Variants in KALRN observed in about 807,000 individuals in gnomAD.
The protein encoded by KALRN is kalirin.
A neutral mutation model predicts 353.7 loss-of-function variants in KALRN; 70 were observed. That is an observed-to-expected ratio of 0.20 (90% CI 0.16 to 0.24). KALRN has a LOEUF of 0.24. Ranked by LOEUF, KALRN falls within the 10% of genes least tolerant of loss-of-function variation. KALRN has a pLI of 1.00. For missense variants in KALRN, 2,791 were observed against 3,756.7 expected, an observed-to-expected ratio of 0.74 and a Z score of 6.72; for synonymous variants, 1,391 against 1,434.8, an observed-to-expected ratio of 0.97 and a Z score of 0.69.
At chr3:124,190,551 A>T (rs2074788080) in intron 1 of KALRN, among the ~76,000 whole-genome samples, 1 of 152,200 alleles carries the variant, frequency 6.6e-6, no homozygotes, top group Non-Finnish European at 1.5e-5. Flanking sequence ...ATAATTTTGC[A>T]CCGCAAGAAT....
In KALRN at chr3:124,263,590, T is replaced by TA. The variant is rs375263556; in HGVS notation, c.264-895dup. 4.1e-3 allele frequency among the ~76,000 whole-genome samples: 589 copies of TA among 143,586 alleles called. 1 individual carries two copies. The highest frequency in any genetic ancestry group is 6.2e-3 in the Non-Finnish European group (403 of 65,248). The allele number at this position is 143,586 out of a possible 152,430, so 94.2% of individuals were successfully genotyped here. A position where few individuals can be genotyped will look rare whatever the true frequency, so the allele number is the denominator to read the frequency against. On this transcript the variant is annotated intron_variant, in intron 3 of 59. Transcript: ENST00000682506. ...TGCACATAGCGAGACCCTGACTCTTTAAAAAAAAAAAAAGTAAAAAGAAAT... is the reference window on the plus strand; with the variant it reads ...TGCACATAGCGAGACCCTGACTCTTTAAAAAAAAAAAAAAGTAAAAAGAAAT...
intron 1 of KALRN, among the ~76,000 whole-genome samples, chr3:124,081,087 G>C (rs181950104): frequency 1.4e-4 from 21 of 152,234 alleles, no homozygotes; most frequent in Admixed American, 5.9e-4. Flanking sequence ...ATATACAAGA[G>C]TTTCATGGAG....
chr3:124,140,657 C>T (rs1021492732), intron 1 of KALRN, among the ~76,000 whole-genome samples: 10 of 152,122 alleles, frequency 6.6e-5, no homozygotes, highest in African/African-American at 1.9e-4. Flanking sequence ...AGTGGCTTCA[C>T]CCTGTTTGAA....
chr3:124,410,440 A>G (rs2092050003), intron 13 of KALRN, among the ~76,000 whole-genome samples: 1 of 152,250 alleles, frequency 6.6e-6, no homozygotes, highest in African/African-American at 2.4e-5. Context: ...TACATATATT[A>G]TCTGATAAAG....
At chr3:124,222,616 T>C (rs1393452782) in intron 1 of KALRN, among the ~76,000 whole-genome samples, 1 of 152,156 alleles carries the variant, frequency 6.6e-6, no homozygotes, top group East Asian at 1.9e-4. Flanking sequence ...TGGTGGGGGC[T>C]GTTGAGACAG....
intron 3 of KALRN, among the ~76,000 whole-genome samples, chr3:124,255,149 G>A (rs1272294728): frequency 6.6e-6 from 1 of 152,024 alleles, no homozygotes; most frequent in Non-Finnish European, 1.5e-5. Flanking sequence ...TCACCATGTT[G>A]GCCAGGCTGG....
intron 5 of KALRN, among the ~76,000 whole-genome samples, chr3:124,277,994 C>CTG (rs1437193234): frequency 1.3e-4 from 10 of 75,540 alleles, no homozygotes; most frequent in African/African-American, 4.0e-4. Flanking sequence ...CAGAGATGAA[C>CTG]TATGTGTGTG....
chr3:124,276,874 G>T (rs1194928910), intron 5 of KALRN, among the ~76,000 whole-genome samples: 2 of 152,330 alleles, frequency 1.3e-5, no homozygotes, highest in South Asian at 4.1e-4. Context: ...GTGCTTGAGT[G>T]GTTTGCTTGG....
chr3:124,262,837 C>T (rs1186499312), intron 3 of KALRN, among the ~76,000 whole-genome samples: 1 of 152,196 alleles, frequency 6.6e-6, no homozygotes, highest in Non-Finnish European at 1.5e-5. Flanking sequence ...GTGGTAGGCA[C>T]ATATGTGGGT....
intron 25 of KALRN, among the ~76,000 whole-genome samples, chr3:124,471,442 C>T (rs7650105): frequency 0.09 from 13,675 of 151,758 alleles, 2,069 homozygotes; most frequent in African/African-American, 0.31. Context: ...CCCACCACCA[C>T]GCCTGGCTAA....
At chr3:124,211,893 G>A (rs1389599269) in intron 1 of KALRN, among the ~76,000 whole-genome samples, 1 of 152,180 alleles carries the variant, frequency 6.6e-6, no homozygotes, top group Admixed American at 6.5e-5. Flanking sequence ...TGACTCTTGT[G>A]CCTTTTTGGG....
chr3:124,224,436 T>A (rs2078263250), intron 1 of KALRN, among the ~76,000 whole-genome samples: 1 of 152,108 alleles, frequency 6.6e-6, no homozygotes, highest in Admixed American at 6.5e-5. Context: ...CAAGTTTGTG[T>A]TGGGCTGCAT....
At chr3:124,545,756 C>T (rs909920820) in intron 33 of KALRN, among the ~76,000 whole-genome samples, 1 of 152,180 alleles carries the variant, frequency 6.6e-6, no homozygotes, top group Admixed American at 6.5e-5. Flanking sequence ...GGGATGCTGG[C>T]TGAGACTTTA....
Position 124,496,012 on chromosome 3 carries a change from TACACACAC to T in KALRN, c.4833-297_4833-290del, listed in dbSNP as rs71922638. On this transcript the variant is annotated intron_variant, in intron 32 of 59. Transcript: ENST00000682506. ...ATATATATATATATATATATATATA[TACACACAC>T]ATATATACATACATACACCCCCTCT... 8.9e-3 allele frequency among the ~76,000 whole-genome samples: 384 copies of T among 43,154 alleles called. 5 individuals are homozygous for T. The highest frequency in any genetic ancestry group is 0.015 in the East Asian group (12 of 802). The allele number at this position is 43,154 out of a possible 152,430, so 28.3% of individuals were successfully genotyped here.
intron 34 of KALRN, among the ~76,000 whole-genome samples, chr3:124,606,953 A>G (rs1011223686): frequency 1.3e-5 from 2 of 152,250 alleles, no homozygotes; most frequent in African/African-American, 4.8e-5. Context: ...GTAAGGCCAA[A>G]TAGATATTCA....
chr3:124,675,426 A>C (rs1421551148), intron 49 of KALRN: 1 of 152,046 alleles, frequency 6.6e-6, no homozygotes, highest in African/African-American at 2.4e-5. Flanking sequence ...TGTTTTAATG[A>C]AGTTAAAGAC....
At chr3:124,221,803 T>C (rs1375280780) in intron 1 of KALRN, among the ~76,000 whole-genome samples, 3 of 152,196 alleles carry the variant, frequency 2.0e-5, no homozygotes, top group Non-Finnish European at 4.4e-5. Context: ...ACTGGTTTTT[T>C]ATCCAGTCTG....
chr3:124,563,817 A>C (rs906966325), intron 34 of KALRN, among the ~76,000 whole-genome samples: 11 of 152,102 alleles, frequency 7.2e-5, no homozygotes, highest in Non-Finnish European at 1.2e-4. Context: ...AGCCTGGGCA[A>C]CTTAGTGAGA....
At chr3:124,659,711 A>G (rs928042537) in intron 43 of KALRN, among the ~76,000 whole-genome samples, 1 of 152,118 alleles carries the variant, frequency 6.6e-6, no homozygotes, top group Admixed American at 6.5e-5. Context: ...TATTTTTTCA[A>G]TTCACATTCT....
Sources: gnomAD v4.1 joint callset for allele counts (sites outside exome capture counted in the v4.1 genomes callset) on GRCh38, gnomAD v4.1.1 for gene constraint, MANE v1.5 for transcripts, NCBI Gene and HGNC (gene_info 2026-07-23, HGNC 2026-07-21) for gene names.